Variants in ARFGEF1 observed in about 807,000 individuals in gnomAD.
The protein encoded by ARFGEF1 is brefeldin A-inhibited guanine nucleotide-exchange protein 1.
Under a neutral mutation model 231.0 loss-of-function variants are expected in ARFGEF1, and 42 were observed. The observed-to-expected ratio is 0.18, with a 90% CI of 0.14 to 0.24. The LOEUF (loss-of-function observed/expected upper bound fraction) is 0.24. ARFGEF1 is among the 10% of genes least tolerant of loss of function. The pLI is 1.00. For missense variants in ARFGEF1, 1,345 were observed against 2,192.0 expected (o/e 0.61, Z 7.72); for synonymous variants, 710 against 732.3 (o/e 0.97, Z 0.49).
chr8:67,193,432 T>G (rs1298173327), downstream of ARFGEF1: 1 of 1,596,040 alleles, frequency 6.3e-7, no homozygotes, highest in Non-Finnish European at 8.6e-7. Flanking sequence ...TTTGTGTTAA[T>G]GACTTTCTGA....
chr8:67,255,606 T>C (rs1840429370), intron 17 of ARFGEF1, among the ~76,000 whole-genome samples: 1 of 152,242 alleles, frequency 6.6e-6, no homozygotes, highest in African/African-American at 2.4e-5. Context: ...TTTTAAAATG[T>C]TGTCATTTGT....
Position 67,266,955 on chromosome 8 carries a change from T to C in ARFGEF1, c.1842A>G (p.Glu614=). 6.2e-7 allele frequency: 1 copy of C among 1,613,590 alleles called. No homozygotes were observed. Among genetic ancestry groups the C allele is most frequent in the Non-Finnish European group, 8.5e-7 (1 of 1,179,752 alleles). ...TACACTTCAAAATCGACACTAAGCA[T>C]TCTAAACCTTTTTTCCTCAGGCTCA... ...QELSLRKKGL[E]CLVSILKCMV... The change falls in exon 13 of 39, where the codon GAA becomes GAG. Residue 614 remains glutamate (E), a synonymous_variant. Transcript: ENST00000262215.
chr8:67,254,875 A>C (rs949411188), intron 17 of ARFGEF1, among the ~76,000 whole-genome samples: 1 of 152,130 alleles, frequency 6.6e-6, no homozygotes, highest in South Asian at 2.1e-4. Flanking sequence ...CTATCTTATA[A>C]CTTTAAAAAC....
At chr8:67,197,622 C>A (rs1838112108), downstream of ARFGEF1, 3 of 985,444 alleles carry the variant, frequency 3.0e-6, no homozygotes, top group Admixed American at 6.2e-5. Context: ...CCTTAATAGA[C>A]CAGAATCAAT....
intron 1 of ARFGEF1, among the ~76,000 whole-genome samples, chr8:67,330,888 A>T (rs1298937495): frequency 6.6e-6 from 1 of 152,202 alleles, no homozygotes; most frequent in Non-Finnish European, 1.5e-5. Context: ...GGGACCCAAC[A>T]AATTGGATGA....
intron 1 of ARFGEF1, among the ~76,000 whole-genome samples, chr8:67,322,499 C>T (rs116420766): frequency 0.016 from 2,465 of 152,240 alleles, 71 homozygotes; most frequent in African/African-American, 0.057. Context: ...GAGTTCAAGA[C>T]CAGCCTGGGC....
chr8:67,296,220 CAACT>C (rs1806225825), intron 5 of ARFGEF1, among the ~76,000 whole-genome samples: 1 of 152,092 alleles, frequency 6.6e-6, no homozygotes, highest in African/African-American at 2.4e-5. Context: ...TATTTGTGAA[CAACT>C]AAAAATACTT....
intron 19 of ARFGEF1, among the ~76,000 whole-genome samples, chr8:67,246,419 C>A (rs1370734861): frequency 6.7e-6 from 1 of 150,208 alleles, no homozygotes; most frequent in African/African-American, 2.5e-5. Context: ...CTTTCTGGTA[C>A]AACGGAATAA....
At chr8:67,176,963 C>G (rs1318959646) in intron 5 of ARFGEF1, among the ~76,000 whole-genome samples, 1 of 151,620 alleles carries the variant, frequency 6.6e-6, no homozygotes, top group Non-Finnish European at 1.5e-5. Context: ...CCCAGCTACT[C>G]CGGAGCCTGA....
chr8:67,301,492 C>G (rs1368114484), intron 2 of ARFGEF1, 112 bp from the exon 3 acceptor site: 1 of 1,141,402 alleles, frequency 8.8e-7, no homozygotes, highest in Non-Finnish European at 1.2e-6. Flanking sequence ...TAAACCAGTC[C>G]TCTATCTTCC....
At chr8:67,330,326 A>C (rs1462565578) in intron 1 of ARFGEF1, among the ~76,000 whole-genome samples, 1 of 152,128 alleles carries the variant, frequency 6.6e-6, no homozygotes, top group Non-Finnish European at 1.5e-5. Flanking sequence ...TTGACTTTTT[A>C]AGGAAAGAAT....
At chr8:67,271,037 AAAAAAAGGAAAAAGAAAAAAAAAAAAAG>A (rs1805070199) in intron 10 of ARFGEF1, among the ~76,000 whole-genome samples, 1 of 139,836 alleles carries the variant, frequency 7.2e-6, no homozygotes, top group Non-Finnish European at 1.6e-5. Context: ...AAAAAAAAAA[AAAAAAAGGAAAAAGAAAAAAAAAAAAAG>A]AAACTGGTAC....
At chr8:67,322,592 T>C (rs1008876365) in intron 1 of ARFGEF1, among the ~76,000 whole-genome samples, 3 of 152,092 alleles carry the variant, frequency 2.0e-5, no homozygotes, top group African/African-American at 7.2e-5. Flanking sequence ...TCCTAGCTAC[T>C]AGGGAGGCAG....
chr8:67,296,186 T>C (rs532925542), intron 5 of ARFGEF1, among the ~76,000 whole-genome samples: 16 of 152,224 alleles, frequency 1.1e-4, no homozygotes, highest in Non-Finnish European at 2.1e-4. Context: ...ACAAGGAAGA[T>C]GGCAATCAGC....
chr8:67,333,804 C>G (rs1378843378), intron 1 of ARFGEF1, among the ~76,000 whole-genome samples: 1 of 152,078 alleles, frequency 6.6e-6, no homozygotes, highest in Non-Finnish European at 1.5e-5. Flanking sequence ...GGGTCACAGT[C>G]AAAACACAGT....
chr8:67,240,999 T>C (rs1236293270), intron 19 of ARFGEF1, among the ~76,000 whole-genome samples: 1 of 152,170 alleles, frequency 6.6e-6, no homozygotes, highest in Non-Finnish European at 1.5e-5. Flanking sequence ...TGTGAAAGTA[T>C]TCAACTGCTT....
intron 14 of ARFGEF1, among the ~76,000 whole-genome samples, chr8:67,264,492 T>A (rs1229189337): frequency 6.6e-6 from 1 of 151,982 alleles, no homozygotes; most frequent in African/African-American, 2.4e-5. Flanking sequence ...TTGTCTTTTG[T>A]TTTGGGTAGG....
intron 1 of ARFGEF1, 71 bp downstream of exon 1, chr8:67,343,093 A>AC (rs1212748642): frequency 4.1e-4 from 77 of 188,178 alleles, no homozygotes; most frequent in South Asian, 1.8e-3. Flanking sequence ...GGGCGACCCC[A>AC]CCCCCCCACA....
rs752323539 is a variant in ARFGEF1, at chr8:67,343,323, G to C, written c.-36C>G. ...AAGGAGGCGGCGGCTCGTCCGACCC[G>C]CGGCTCCCAGCGGCTGGAGGGGAGG... On this transcript the variant is annotated 5_prime_UTR_variant, in exon 1 of 39. Transcript: ENST00000262215. 1.9e-6 allele frequency: 3 copies of C among 1,604,164 alleles called. No individual in the cohort carries two copies. The African/African-American group carries it at 4.1e-5, about 22-fold the overall frequency.
Sources: allele counts gnomAD v4.1 joint callset (sites outside exome capture counted in the v4.1 genomes callset), GRCh38; gene constraint gnomAD v4.1.1; transcripts MANE v1.5; gene names NCBI Gene and HGNC (gene_info 2026-07-23, HGNC 2026-07-21).